RBPMS: variants seen among roughly 807,000 people sequenced by gnomAD.
RBPMS encodes the protein RNA binding protein, mRNA processing factor, also known as RNA-binding protein with multiple splicing.
In RBPMS, 7 loss-of-function variants were observed where a neutral mutation model predicts 26.8. The ratio of observed to expected loss-of-function variants is 0.26; its 90% confidence interval spans 0.15 to 0.49. RBPMS has a LOEUF of 0.49. RBPMS is among the 20% of genes least tolerant of loss of function. The pLI is 0.98. For missense variants in RBPMS, 186 were observed against 250.0 expected (o/e 0.74, Z 1.73); for synonymous variants, 96 against 93.3 (o/e 1.03, Z -0.17).
At chr8:30,385,666 A>T (rs1806972040) in intron 1 of RBPMS, among the ~76,000 whole-genome samples, 1 of 152,048 alleles carries the variant, frequency 6.6e-6, no homozygotes, top group Admixed American at 6.5e-5. Flanking sequence ...GGATTAATAG[A>T]TAACTCATCA....
At chr8:30,542,574 T>C (rs1339155283) in intron 5 of RBPMS, among the ~76,000 whole-genome samples, 1 of 152,196 alleles carries the variant, frequency 6.6e-6, no homozygotes, top group Non-Finnish European at 1.5e-5. Context: ...TATGTATCAG[T>C]TTTATGGTCT....
chr8:30,389,797 G>A (rs1185499849), intron 1 of RBPMS, among the ~76,000 whole-genome samples: 1 of 151,970 alleles, frequency 6.6e-6, no homozygotes, highest in African/African-American at 2.4e-5. Context: ...TATAAAATAT[G>A]TATTATATAT....
rs899471904 is a variant in RBPMS, at chr8:30,384,859, C to T, written c.-234C>T. 1.2e-5 allele frequency: 4 copies of T among 338,250 alleles called. No homozygotes were observed. The Admixed American group carries it at 1.5e-4, about 13-fold the overall frequency. The allele number at this position is 338,250 out of a possible 1,614,324, so 21.0% of individuals were successfully genotyped here. ...CCCGCTCCCGGCCCGCGCCCTGCCC[C>T]GTCTCTCCCTTGCACTTCCTGAGTC... On this transcript the variant is annotated 5_prime_UTR_variant, in exon 1 of 9. Coordinates refer to ENST00000397323, the MANE Select transcript of RBPMS (RefSeq NM_001008710.3). This position sits in a 1 kb window ranked among gnomAD's most constrained non-coding sequence, Gnocchi z 5.6.
At chr8:30,433,950 C>CA (rs1171337411) in intron 1 of RBPMS, among the ~76,000 whole-genome samples, 1 of 151,964 alleles carries the variant, frequency 6.6e-6, no homozygotes, top group Non-Finnish European at 1.5e-5. Context: ...GTCCTAAACC[C>CA]AAATCAGTAA....
rs370239309 is a variant in RBPMS, at chr8:30,552,560, T to C, written c.529-6327T>C. 11 of 152,346 alleles carry C rather than the reference T, an allele frequency of 7.2e-5. No individual in the cohort carries two copies. In the East Asian group the frequency reaches 1.5e-3, roughly 21 times the overall value. 9.4% of individuals were successfully genotyped at this position (152,346 alleles called of 1,614,324 possible). A position where few individuals can be genotyped will look rare whatever the true frequency, so the allele number is the denominator to read the frequency against. On this transcript the variant is annotated intron_variant, in intron 6 of 8. Coordinates refer to ENST00000397323, the MANE Select transcript of RBPMS (RefSeq NM_001008710.3). ...GAGCTCAGCTCCTGGGGACCTCTAA[T>C]GGCCCTTGATAGCAAACATAGTTAA... is the stretch of plus-strand genomic sequence containing the variant.
rs572791935 is a variant in RBPMS, at chr8:30,541,107, A to T, written c.398-3387A>T. ...ACTCAGAGATACATGGCCATACTTA[A>T]GTCCATTAAAGATTCTCCTTGTTCT... is the stretch of plus-strand genomic sequence containing the variant. On this transcript the variant is annotated intron_variant, in intron 5 of 8. Transcript: ENST00000397323. 1.3e-3 allele frequency among the ~76,000 whole-genome samples: 200 copies of T among 152,344 alleles called. 2 individuals are homozygous for T. The highest frequency in any genetic ancestry group is 0.012 in the South Asian group (59 of 4,826).
At chr8:30,570,001 C>G in intron 8 of RBPMS, among the ~76,000 whole-genome samples, 1 of 152,184 alleles carries the variant, frequency 6.6e-6, no homozygotes, top group East Asian at 1.9e-4. Context: ...TACCCGCTAC[C>G]CACTCATACT....
intron 5 of RBPMS, among the ~76,000 whole-genome samples, chr8:30,535,668 TCCTC>T (rs1824717166): frequency 6.6e-6 from 1 of 152,196 alleles, no homozygotes; most frequent in Admixed American, 6.5e-5. Flanking sequence ...CTTCAGGTGA[TCCTC>T]CCACCTCAGC....
intron 5 of RBPMS, among the ~76,000 whole-genome samples, chr8:30,511,584 TATAG>T (rs1821714047): frequency 6.7e-6 from 1 of 148,576 alleles, no homozygotes; most frequent in Admixed American, 6.7e-5. Flanking sequence ...TATATATGTG[TATAG>T]ATATATATAT....
chr8:30,546,186 C>T (rs1825854372), intron 6 of RBPMS, among the ~76,000 whole-genome samples: 2 of 152,176 alleles, frequency 1.3e-5, no homozygotes, highest in Non-Finnish European at 2.9e-5. Flanking sequence ...TGGATGGTGT[C>T]TCCTCTTGCT....
intron 3 of RBPMS, among the ~76,000 whole-genome samples, chr8:30,479,002 A>G (rs1817996874): frequency 6.6e-6 from 1 of 152,208 alleles, no homozygotes; most frequent in Non-Finnish European, 1.5e-5. Context: ...AGGAAAGTAG[A>G]GCCTCTCCAA....
intron 1 of RBPMS, among the ~76,000 whole-genome samples, chr8:30,391,001 G>C (rs1465484221): frequency 6.6e-6 from 1 of 152,214 alleles, no homozygotes; most frequent in African/African-American, 2.4e-5. Context: ...AATTAGAAAA[G>C]GTGTGGATGG....
At chr8:30,539,787 A>G (rs1049265647) in intron 5 of RBPMS, among the ~76,000 whole-genome samples, 3 of 151,870 alleles carry the variant, frequency 2.0e-5, no homozygotes, top group African/African-American at 7.3e-5. Context: ...CACCACACTC[A>G]GCTCAGTTTT....
At chr8:30,409,656 C>T (rs576636501) in intron 1 of RBPMS, among the ~76,000 whole-genome samples, 31 of 152,186 alleles carry the variant, frequency 2.0e-4, no homozygotes, top group African/African-American at 4.8e-4. Flanking sequence ...ATTTTTGAGA[C>T]GGAGTCTCGC....
At chr8:30,472,536 A>G (rs552170768) in intron 1 of RBPMS, among the ~76,000 whole-genome samples, 53 of 152,314 alleles carry the variant, frequency 3.5e-4, no homozygotes, top group East Asian at 2.1e-3. Context: ...ACATATGTCA[A>G]AACATCACAT....
At chr8:30,450,316 C>T (rs1814413925) in intron 1 of RBPMS, among the ~76,000 whole-genome samples, 1 of 152,146 alleles carries the variant, frequency 6.6e-6, no homozygotes, top group South Asian at 2.1e-4. Context: ...AGCAATTCAG[C>T]ATGAGATGGA....
chr8:30,518,040 C>T (rs1050161582), intron 5 of RBPMS, among the ~76,000 whole-genome samples: 1 of 152,176 alleles, frequency 6.6e-6, no homozygotes, highest in Non-Finnish European at 1.5e-5. Flanking sequence ...AATCTAGATA[C>T]CATTTGTTCT....
At position 30,547,559 on chromosome 8, in the gene RBPMS, A is replaced by G. The variant is rs1015262319; in HGVS notation, c.528+2935A>G. ...AGCGTTTTGTTTTCATGGTGATGCA[A>G]TTTTGGAGCAAAGGTGTTACTCTCT... On this transcript the variant is annotated intron_variant, in intron 6 of 8. Coordinates refer to ENST00000397323, the MANE Select transcript of RBPMS (RefSeq NM_001008710.3). The G allele has an allele frequency of 1.4e-5, 18 of 1,318,258 alleles. No individual in the cohort carries two copies. In the African/African-American group the frequency reaches 2.2e-4, roughly 16 times the overall value. The allele number at this position is 1,318,258 out of a possible 1,614,324, so 81.7% of individuals were successfully genotyped here. A position where few individuals can be genotyped will look rare whatever the true frequency, so the allele number is the denominator to read the frequency against.
chr8:30,483,418 A>G (rs1170298723), intron 4 of RBPMS, among the ~76,000 whole-genome samples: 1 of 152,190 alleles, frequency 6.6e-6, no homozygotes, highest in African/African-American at 2.4e-5. Context: ...AGGCTAGTGT[A>G]GTAATTTGCT....
Sources: allele counts gnomAD v4.1 joint callset (sites outside exome capture counted in the v4.1 genomes callset), GRCh38; gene constraint gnomAD v4.1.1; non-coding constraint Gnocchi (gnomAD v3.1); transcripts MANE v1.5; gene names NCBI Gene and HGNC (gene_info 2026-07-23, HGNC 2026-07-21).